Variants in CREM observed in about 807,000 individuals in gnomAD.
The protein encoded by CREM is cAMP-responsive element modulator.
CREM carries 13 observed loss-of-function variants against 37.3 expected under a neutral mutation model. The observed-to-expected ratio is 0.35, with a 90% CI of 0.23 to 0.55. The LOEUF (loss-of-function observed/expected upper bound fraction) is 0.55, where lower values mean the gene tolerates loss of function less well. CREM is among the 20% of genes least tolerant of loss of function. The pLI is 0.88. For missense variants in CREM, 296 were observed against 362.3 expected (o/e 0.82, Z 1.49); for synonymous variants, 124 against 120.2 (o/e 1.03, Z -0.21).
chr10:35,156,470 G>A (rs185034052), intron 3 of CREM, among the ~76,000 whole-genome samples: 105 of 152,080 alleles, frequency 6.9e-4, no homozygotes, highest in East Asian at 3.7e-3. Flanking sequence ...GGCTGGTCTC[G>A]AACTCCTGGC....
At chr10:35,185,100 G>A (rs979671220) in intron 5 of CREM, among the ~76,000 whole-genome samples, 61 of 143,838 alleles carry the variant, frequency 4.2e-4, no homozygotes, top group Admixed American at 1.1e-3. Flanking sequence ...TCTAGGCTTT[G>A]TACTTCTTTT....
At chr10:35,132,156 G>T (rs569867990) in intron 1 of CREM, among the ~76,000 whole-genome samples, 1 of 147,418 alleles carries the variant, frequency 6.8e-6, no homozygotes, top group Non-Finnish European at 1.5e-5. Context: ...AGCCGAGATC[G>T]TGCTACTGCA....
At chr10:35,146,138 GTTTACTGGGGAAGGCC>G (rs1292139991) in intron 2 of CREM, among the ~76,000 whole-genome samples, 1 of 152,250 alleles carries the variant, frequency 6.6e-6, no homozygotes, top group Non-Finnish European at 1.5e-5. Context: ...ATGAAATATA[GTTTACTGGGGAAGGCC>G]TTTCGGCATA....
intron 6 of CREM, among the ~76,000 whole-genome samples, chr10:35,194,219 C>T (rs568464035): frequency 2.3e-4 from 35 of 149,856 alleles, no homozygotes; most frequent in Non-Finnish European, 4.1e-4. Context: ...GTTGAACATT[C>T]GCCCATTTTT....
chr10:35,137,946 A>G, intron 2 of CREM, 67 bp downstream of exon 2: 2 of 1,244,622 alleles, frequency 1.6e-6, no homozygotes, highest in Non-Finnish European at 2.3e-6. Flanking sequence ...TGATGAATAA[A>G]TTGATATATA....
chr10:35,203,296 T>G lies in CREM; in HGVS notation c.599-3599T>G, dbSNP rs540583746. 3.3e-5 allele frequency among the ~76,000 whole-genome samples: 5 copies of G among 152,282 alleles called. No individual in the cohort carries two copies. In the South Asian group the frequency reaches 1.0e-3, roughly 32 times the overall value. On this transcript the variant is annotated intron_variant, in intron 6 of 7. Transcript: ENST00000685392. ...CCTGGACTCAAGTGAACCTCCTACC[T>G]TGGCCTTCCAAAATGCTGGGATTAT...
chr10:35,167,860 G>GT, intron 3 of CREM: 1 of 1,448,492 alleles, frequency 6.9e-7, no homozygotes, highest in Non-Finnish European at 9.6e-7. Flanking sequence ...GAAAAGAGGG[G>GT]TAAAAATTGT....
chr10:35,162,098 A>G (rs1165586041), intron 3 of CREM, among the ~76,000 whole-genome samples: 2 of 152,258 alleles, frequency 1.3e-5, no homozygotes, highest in Admixed American at 6.5e-5. Flanking sequence ...CAACCATAAA[A>G]AAGAATGAAG....
intron 5 of CREM, among the ~76,000 whole-genome samples, chr10:35,182,880 A>G (rs2094409865): frequency 6.6e-6 from 1 of 152,258 alleles, no homozygotes. Context: ...TTTCAGAAGC[A>G]TATACCCGAG....
chr10:35,137,317 G>A (rs2090708010), intron 1 of CREM, among the ~76,000 whole-genome samples: 1 of 152,156 alleles, frequency 6.6e-6, no homozygotes. Context: ...AAAAACCCAA[G>A]TTGGAATTTA....
intron 3 of CREM, chr10:35,158,249 A>C (rs1308885697): frequency 6.4e-6 from 1 of 157,344 alleles, no homozygotes; most frequent in Non-Finnish European, 1.4e-5. Flanking sequence ...GGACCACAAA[A>C]GACCCCAAAT....
rs539896434 is a variant in CREM, at chr10:35,165,071, A to T, written c.169-13818A>T. ...GGCTCCATCTCAAAAAAAAAAAAAA[A>T]AAAAAAAGAAAAGGAAAAAGAAATA... On this transcript the variant is annotated intron_variant, in intron 3 of 7. Coordinates refer to ENST00000685392, the MANE Select transcript of CREM (RefSeq NM_183011.2). Among the ~76,000 whole-genome samples, 98 of 147,128 alleles carry T rather than the reference A, an allele frequency of 6.7e-4. No homozygotes were observed. In the South Asian group the frequency reaches 7.9e-3, roughly 12 times the overall value.
At chr10:35,179,326 C>T in intron 5 of CREM, 50 bp downstream of exon 5, 1 of 1,579,072 alleles carries the variant, frequency 6.3e-7, no homozygotes, top group Non-Finnish European at 8.6e-7. Flanking sequence ...TAAGTCTTCT[C>T]TAGTTATATT....
At chr10:35,145,776 CAAAAAAAAAAAA>C (rs370248344) in intron 2 of CREM, among the ~76,000 whole-genome samples, 2 of 85,236 alleles carry the variant, frequency 2.3e-5, no homozygotes, top group Non-Finnish European at 4.1e-5. Context: ...GACTCTGCCT[CAAAAAAAAAAAA>C]AAAAAAAAAA....
intron 6 of CREM, chr10:35,195,316 T>G: frequency 1.4e-6 from 2 of 1,385,478 alleles, no homozygotes; most frequent in Non-Finnish European, 2.0e-6. Context: ...GTTACTCTCC[T>G]AGTCACTTAG....
At chr10:35,184,220 A>G (rs140108419) in intron 5 of CREM, among the ~76,000 whole-genome samples, 1 of 152,210 alleles carries the variant, frequency 6.6e-6, no homozygotes, top group Non-Finnish European at 1.5e-5. Flanking sequence ...CAATATCAGG[A>G]TGTGGGGCAA....
intron 2 of CREM, among the ~76,000 whole-genome samples, chr10:35,142,789 G>A (rs2091602110): frequency 6.6e-6 from 1 of 151,998 alleles, no homozygotes; most frequent in Non-Finnish European, 1.5e-5. Flanking sequence ...TGTTTTCTAT[G>A]TGGAGACGGG....
At chr10:35,134,561 G>T (rs2090107097) in intron 1 of CREM, among the ~76,000 whole-genome samples, 1 of 152,032 alleles carries the variant, frequency 6.6e-6, no homozygotes. Flanking sequence ...TTCTCTATCA[G>T]CATATTGTAT....
intron 5 of CREM, among the ~76,000 whole-genome samples, chr10:35,187,174 TATTAATATATAA>T (rs1564922926): frequency 7.0e-5 from 3 of 42,660 alleles, no homozygotes; most frequent in East Asian, 1.1e-3. Context: ...TATATATTAA[TATTAATATATAA>T]ATATATTAAT....
Sources: gnomAD v4.1 joint callset for allele counts (sites outside exome capture counted in the v4.1 genomes callset) on GRCh38, gnomAD v4.1.1 for gene constraint, MANE v1.5 for transcripts, NCBI Gene and HGNC (gene_info 2026-07-23, HGNC 2026-07-21) for gene names.